PPM1D: variants seen among roughly 807,000 people sequenced by gnomAD.
PPM1D encodes protein phosphatase 1D.
PPM1D carries 52 observed loss-of-function variants against 58.3 expected under a neutral mutation model. The observed-to-expected ratio is 0.89, with a 90% confidence interval of 0.71 to 1.12. The LOEUF is 1.12. Among genes scored for constraint, PPM1D ranks in the 50% most tolerant of loss-of-function variants. The probability of loss-of-function intolerance (pLI) is 0.00; values close to 1 mark genes in which losing one functional copy is unlikely to be tolerated. For missense variants in PPM1D, 564 were observed against 777.2 expected, an observed-to-expected ratio of 0.73 and a Z score of 3.26; for synonymous variants, 278 against 285.1, an observed-to-expected ratio of 0.98 and a Z score of 0.25.
intron 3 of PPM1D, among the ~76,000 whole-genome samples, chr17:60,637,808 G>A (rs2031054539): frequency 6.6e-6 from 1 of 152,136 alleles, no homozygotes. Context: ...AAAGAGTTAG[G>A]GGATGTGAAT....
chr17:60,627,686 C>T (rs1004145564), intron 2 of PPM1D, among the ~76,000 whole-genome samples: 2 of 152,102 alleles, frequency 1.3e-5, no homozygotes, highest in Non-Finnish European at 2.9e-5. Context: ...TCCCAAAGTG[C>T]TGGGATTACA....
At chr17:60,609,138 G>A (rs1440408472) in intron 1 of PPM1D, among the ~76,000 whole-genome samples, 1 of 151,780 alleles carries the variant, frequency 6.6e-6, no homozygotes, top group Non-Finnish European at 1.5e-5. Flanking sequence ...TAATCTCCCG[G>A]GCTGGAGTGC....
At chr17:60,617,500 C>T (rs1450161202) in intron 1 of PPM1D, among the ~76,000 whole-genome samples, 1 of 150,974 alleles carries the variant, frequency 6.6e-6, no homozygotes, top group Non-Finnish European at 1.5e-5. Context: ...GATGATCACA[C>T]CTGTGAATTA....
chr17:60,644,602 T>C (rs2031199942), intron 3 of PPM1D, among the ~76,000 whole-genome samples: 1 of 152,222 alleles, frequency 6.6e-6, no homozygotes, highest in African/African-American at 2.4e-5. Context: ...GAAGTATTAC[T>C]GTTTGGAGGT....
intron 4 of PPM1D, among the ~76,000 whole-genome samples, chr17:60,652,323 T>C (rs2031358661): frequency 6.6e-6 from 1 of 152,154 alleles, no homozygotes; most frequent in Non-Finnish European, 1.5e-5. Flanking sequence ...ATTTCATTCT[T>C]TTCTATGGCC....
intron 2 of PPM1D, among the ~76,000 whole-genome samples, chr17:60,629,821 G>A (rs1050738393): frequency 2.6e-5 from 4 of 151,974 alleles, no homozygotes; most frequent in South Asian, 2.1e-4. Flanking sequence ...GCGGATCACC[G>A]GAGGTCAGGA....
In PPM1D at chr17:60,663,605, T is replaced by A. The variant is rs1235423756; in HGVS notation, c.*53T>A. ...AAACTTAGGATATAAGAGGGCTTTT[T>A]AAATTTGGTGCCGATGTTGAACTTT... On this transcript the variant is annotated 3_prime_UTR_variant, in exon 6 of 6. Transcript: ENST00000305921. 6.5e-7 allele frequency: 1 copy of A among 1,535,386 alleles called. No individual in the cohort carries two copies.
At chr17:60,658,667 AT>A (rs2031480872) in intron 5 of PPM1D, among the ~76,000 whole-genome samples, 1 of 147,258 alleles carries the variant, frequency 6.8e-6, no homozygotes, top group Non-Finnish European at 1.5e-5. Flanking sequence ...AAAAAAAAAA[AT>A]TCCTTAAATT....
chr17:60,663,807 G>A lies in PPM1D; in HGVS notation c.*255G>A, dbSNP rs2031574957. The A allele has an allele frequency of 5.1e-5, 21 of 410,984 alleles. No homozygotes were observed. In the South Asian group the frequency reaches 6.6e-4, roughly 13 times the overall value. 25.5% of individuals were successfully genotyped at this position (410,984 alleles called of 1,614,324 possible). A position where few individuals can be genotyped will look rare whatever the true frequency, so the allele number is the denominator to read the frequency against. On this transcript the variant is annotated 3_prime_UTR_variant, in exon 6 of 6. Transcript: ENST00000305921. ...CACAAATTCAGTCTCTGAATACACA[G>A]TATTCAGAGTCTCTGATACACAGTA...
intron 1 of PPM1D, among the ~76,000 whole-genome samples, chr17:60,612,311 C>T: frequency 6.6e-6 from 1 of 152,038 alleles, no homozygotes; most frequent in Non-Finnish European, 1.5e-5. Context: ...TGTTGCTTAA[C>T]AACAGGGATA....
chr17:60,634,390 G>A (rs2030983896), intron 3 of PPM1D, among the ~76,000 whole-genome samples: 1 of 152,090 alleles, frequency 6.6e-6, no homozygotes, highest in African/African-American at 2.4e-5. Flanking sequence ...GGGCGACAGA[G>A]CAAGACTCTA....
chr17:60,659,342 T>C (rs1195097022), intron 5 of PPM1D, among the ~76,000 whole-genome samples: 3 of 152,230 alleles, frequency 2.0e-5, no homozygotes, highest in African/African-American at 7.2e-5. Flanking sequence ...AGACAAGGCA[T>C]TTGAGACTAG....
intron 1 of PPM1D, among the ~76,000 whole-genome samples, chr17:60,611,252 C>T (rs1045315553): frequency 6.6e-6 from 1 of 152,136 alleles, no homozygotes; most frequent in Non-Finnish European, 1.5e-5. Context: ...AACTCCTGAC[C>T]TCAAGTGATC....
At chr17:60,644,372 G>A (rs553333746) in intron 3 of PPM1D, among the ~76,000 whole-genome samples, 103 of 152,204 alleles carry the variant, frequency 6.8e-4, no homozygotes, top group African/African-American at 2.4e-3. Context: ...CCAGGCTCAA[G>A]CAATCCTCCT....
At chr17:60,631,365 A>G (rs140962394) in intron 2 of PPM1D, among the ~76,000 whole-genome samples, 1 of 152,252 alleles carries the variant, frequency 6.6e-6, no homozygotes, top group East Asian at 1.9e-4. Flanking sequence ...TAGGCTGGGC[A>G]TGGTGACTCA....
In PPM1D at chr17:60,633,943, C is replaced by A; in HGVS notation, c.792C>A (p.Asp264Glu). The A allele has an allele frequency of 6.2e-7, 1 of 1,613,762 alleles. No homozygotes were observed. Among genetic ancestry groups the A allele is most frequent in the Non-Finnish European group, 8.5e-7 (1 of 1,179,804 alleles). ...CTGTTAGAAGGAGCACAGTTATTGA[C>A]CAGATTCCTTTTCTGGCAGTAGCAA... is the stretch of plus-strand genomic sequence containing the variant. ...NGPVRRSTVI[D>E]QIPFLAVARA... The change falls in exon 3 of 6, where the codon GAC becomes GAA. Residue 264 changes from aspartate (D) to glutamate (E), a missense_variant. Asp to Glu is a conservative substitution (Grantham distance 45). Transcript: ENST00000305921.
chr17:60,659,533 T>G (rs2031493502), intron 5 of PPM1D, among the ~76,000 whole-genome samples: 1 of 152,228 alleles, frequency 6.6e-6, no homozygotes, highest in Non-Finnish European at 1.5e-5. Flanking sequence ...GCTAAGATCT[T>G]TAAGAACGGA....
intron 1 of PPM1D, among the ~76,000 whole-genome samples, chr17:60,620,491 A>G (rs1009794397): frequency 6.6e-6 from 1 of 151,316 alleles, no homozygotes; most frequent in East Asian, 1.9e-4. Flanking sequence ...ATGTAGCCCA[A>G]CTGTTTTTTT....
At chr17:60,647,752 C>CATG in intron 3 of PPM1D, 140 bp from the exon 4 acceptor site, 1 of 766,664 alleles carries the variant, frequency 1.3e-6, no homozygotes, top group Non-Finnish European at 2.0e-6. Flanking sequence ...GAAATCTTAT[C>CATG]ATGAGAGGAG....
Sources: gnomAD v4.1 joint callset for allele counts (sites outside exome capture counted in the v4.1 genomes callset) on GRCh38, gnomAD v4.1.1 for gene constraint, MANE v1.5 for transcripts, NCBI Gene and HGNC (gene_info 2026-07-23, HGNC 2026-07-21) for gene names.